Variants in PITPNM2 observed in about 807,000 individuals in gnomAD.
PITPNM2 encodes membrane-associated phosphatidylinositol transfer protein 2.
In PITPNM2, 35 loss-of-function variants were observed where a neutral mutation model predicts 132.2. The ratio of observed to expected loss-of-function variants is 0.26; its 90% CI spans 0.20 to 0.35. The LOEUF is 0.35. Among genes scored for constraint, PITPNM2 ranks in the 10% least tolerant of loss-of-function variants. PITPNM2 has a pLI of 1.00. For synonymous variants in PITPNM2, 738 were observed against 799.2 expected, an observed-to-expected ratio of 0.92 and a Z score of 1.29; for missense variants, 1,332 against 1,912.0, an observed-to-expected ratio of 0.70 and a Z score of 5.66.
chr12:123,098,283 T>C (rs1208078546), intron 2 of PITPNM2, among the ~76,000 whole-genome samples: 3 of 151,940 alleles, frequency 2.0e-5, no homozygotes, highest in Non-Finnish European at 2.9e-5. Flanking sequence ...TTGGGGCTCA[T>C]GGGAGGAGGA....
At chr12:123,027,536 C>T (rs1360546708) in intron 3 of PITPNM2, among the ~76,000 whole-genome samples, 1 of 152,194 alleles carries the variant, frequency 6.6e-6, no homozygotes, top group Non-Finnish European at 1.5e-5. Flanking sequence ...CTCTGAGCCT[C>T]GAGCTGTCAT....
chr12:123,139,369 C>T (rs1411748149), intron 1 of PITPNM2, among the ~76,000 whole-genome samples: 3 of 149,466 alleles, frequency 2.0e-5, no homozygotes, highest in East Asian at 2.0e-4. Flanking sequence ...GGTGTGGTGG[C>T]GGGCGCCTGT....
rs780242683 is a variant in PITPNM2 at position 122,994,943 on chromosome 12, T to G, written c.2091A>C (p.Ser697=). 24 of 1,610,868 alleles carry G rather than the reference T, an allele frequency of 1.5e-5. No homozygotes were observed. Among genetic ancestry groups the G allele is most frequent in the Non-Finnish European group, 1.9e-5 (22 of 1,179,622 alleles). The change falls in exon 15 of 26, where the codon TCA becomes TCC. Residue 697 remains serine, a synonymous_variant. Transcript: ENST00000320201. The surrounding 1 kb of genome is among the most constrained non-coding windows in gnomAD (Gnocchi z 5.4). ...GCATGGTGGAGCTGCTGGAATGGCGTGAGCAGGGCTCAGTCCTCAGCACGC... is the reference window on the plus strand; with the variant it reads ...GCATGGTGGAGCTGCTGGAATGGCGGGAGCAGGGCTCAGTCCTCAGCACGC... ...HASVLRTEPC[S]RHSSSSTMLD...
chr12:123,042,022 T>A lies in PITPNM2; in HGVS notation c.-95-7337A>T, dbSNP rs558342498. ...AGAGTGGGGCCACTCAGGGAGGCCA[T>A]GGAGCAAGAGACCAGCCGTGGGCAA... On this transcript the variant is annotated intron_variant, in intron 2 of 25. Transcript: ENST00000320201. Among the ~76,000 whole-genome samples, 7 of 151,738 alleles carry A rather than the reference T, an allele frequency of 4.6e-5. No homozygotes were observed. The South Asian group carries it at 1.5e-3, about 32-fold the overall frequency.
intron 1 of PITPNM2, among the ~76,000 whole-genome samples, chr12:123,112,785 A>G (rs977288339): frequency 7.2e-5 from 11 of 152,108 alleles, no homozygotes; most frequent in South Asian, 4.2e-4. Context: ...TGATCCGCCC[A>G]CCTCAGCCTC....
intron 1 of PITPNM2, among the ~76,000 whole-genome samples, chr12:123,116,200 T>C (rs1473384348): frequency 2.0e-5 from 3 of 152,160 alleles, no homozygotes; most frequent in African/African-American, 4.8e-5. Flanking sequence ...TGGCTAAGAA[T>C]TGAAAGCAGG....
At chr12:123,063,888 G>A (rs2041328087) in intron 2 of PITPNM2, among the ~76,000 whole-genome samples, 1 of 152,134 alleles carries the variant, frequency 6.6e-6, no homozygotes, top group Non-Finnish European at 1.5e-5. Context: ...CATTTTATAG[G>A]TATGTGGACC....
chr12:123,035,590 C>T (rs1008618044), intron 2 of PITPNM2, among the ~76,000 whole-genome samples: 1 of 151,722 alleles, frequency 6.6e-6, no homozygotes, highest in Admixed American at 6.6e-5. Flanking sequence ...CGCTTGAACC[C>T]AGGAGGCGGA....
chr12:123,038,264 A>G (rs2040345328), intron 2 of PITPNM2, among the ~76,000 whole-genome samples: 1 of 152,228 alleles, frequency 6.6e-6, no homozygotes, highest in African/African-American at 2.4e-5. Context: ...AAATCGTTCT[A>G]TATCTTACAG....
At chr12:123,018,641 G>C (rs1446948406) in intron 3 of PITPNM2, among the ~76,000 whole-genome samples, 1 of 151,952 alleles carries the variant, frequency 6.6e-6, no homozygotes, top group African/African-American at 2.4e-5. Context: ...AGAGAATGGA[G>C]TCTCACTATG....
At chr12:123,148,941 G>C (rs969219534) in intron 1 of PITPNM2, among the ~76,000 whole-genome samples, 1 of 152,126 alleles carries the variant, frequency 6.6e-6, no homozygotes, top group African/African-American at 2.4e-5. Context: ...GAGGGCATGG[G>C]AGCACCATGC....
intron 2 of PITPNM2, among the ~76,000 whole-genome samples, chr12:123,100,438 C>A (rs2042535834): frequency 1.3e-5 from 2 of 152,136 alleles, no homozygotes; most frequent in African/African-American, 4.8e-5. Context: ...CCAGCCTGAC[C>A]AACATGGTGA....
rs1482516125 is a variant in PITPNM2, at chr12:122,993,124, ACCT to A, written c.2234-458_2234-456del. 6.6e-6 allele frequency among the ~76,000 whole-genome samples: 1 copy of A among 151,888 alleles called. No individual in the cohort carries two copies. Among genetic ancestry groups the A allele is most frequent in the Non-Finnish European group, 1.5e-5 (1 of 67,988 alleles). On this transcript the variant is annotated intron_variant, in intron 15 of 25. Transcript: ENST00000320201. The surrounding 1 kb of genome is among the most constrained non-coding windows in gnomAD (Gnocchi z 5.2). ...TTACAGGCGTGAGCCACCACGCCTGACCTCTAATTTTTTTTCATTGCAAAAGTT... is the reference window on the plus strand; with the variant it reads ...TTACAGGCGTGAGCCACCACGCCTGACTAATTTTTTTTCATTGCAAAAGTT...
chr12:123,129,343 C>T (rs929832782), intron 1 of PITPNM2, among the ~76,000 whole-genome samples: 4 of 151,982 alleles, frequency 2.6e-5, no homozygotes, highest in South Asian at 2.1e-4. Context: ...CCGAGGCGGG[C>T]GGATCACGAG....
In PITPNM2 at chr12:123,001,176, A is replaced by G; in HGVS notation, c.1049-18T>C. ...CAGGTCCTCTGGAGAGGAGAGAGGGAAACTCAGGTGGGACTGGGAACGCTG... is the reference window on the plus strand; with the variant it reads ...CAGGTCCTCTGGAGAGGAGAGAGGGGAACTCAGGTGGGACTGGGAACGCTG... On this transcript the variant is annotated intron_variant, in intron 8 of 25. Coordinates refer to ENST00000320201, the MANE Select transcript of PITPNM2 (RefSeq NM_020845.3). 6.2e-7 allele frequency: 1 copy of G among 1,603,136 alleles called. No homozygotes were observed. Among genetic ancestry groups the G allele is most frequent in the South Asian group, 1.1e-5 (1 of 90,840 alleles).
intron 2 of PITPNM2, chr12:123,087,690 C>T (rs1429720786): frequency 6.6e-6 from 1 of 152,140 alleles, no homozygotes; most frequent in Non-Finnish European, 1.5e-5. Context: ...ACAATCACAG[C>T]TCACTGGAGC....
At chr12:123,003,085 A>G (rs1457244132) in intron 8 of PITPNM2, among the ~76,000 whole-genome samples, 1 of 152,170 alleles carries the variant, frequency 6.6e-6, no homozygotes, top group Non-Finnish European at 1.5e-5. Context: ...TCACAGAACT[A>G]GAACTCATTC....
chr12:122,994,838 G>A lies in PITPNM2; in HGVS notation c.2196C>T (p.Val732=). ...GGATGACAGTCTTCCTCAAGGCCAGGACCAGCCCCAGCGGGCACCCGAAGA... is the reference window on the plus strand; with the variant it reads ...GGATGACAGTCTTCCTCAAGGCCAGAACCAGCCCCAGCGGGCACCCGAAGA... The part of the protein sequence containing the change: ...LFLFGCPLGL[V]LALRKTVIPA... The change falls in exon 15 of 26, where the codon GTC becomes GTT. Residue 732 remains valine (V), a synonymous_variant. Transcript: ENST00000320201. The surrounding 1 kb of genome is among the most constrained non-coding windows in gnomAD (Gnocchi z 5.4). 2.5e-6 allele frequency: 4 copies of A among 1,611,622 alleles called. No homozygotes were observed. Among genetic ancestry groups the A allele is most frequent in the Non-Finnish European group, 2.5e-6 (3 of 1,179,906 alleles).
At chr12:123,148,595 C>T (rs919351374) in intron 1 of PITPNM2, among the ~76,000 whole-genome samples, 1 of 151,950 alleles carries the variant, frequency 6.6e-6, no homozygotes, top group Non-Finnish European at 1.5e-5. Context: ...CCTCTAGACA[C>T]GGAGGAAGGC....
Sources: allele counts gnomAD v4.1 joint callset (sites outside exome capture counted in the v4.1 genomes callset), GRCh38; gene constraint gnomAD v4.1.1; non-coding constraint Gnocchi (gnomAD v3.1); transcripts MANE v1.5; gene names NCBI Gene and HGNC (gene_info 2026-07-23, HGNC 2026-07-21).